EXOC6B: variants seen among roughly 807,000 people sequenced by gnomAD.
EXOC6B encodes the protein SEC15 homolog B.
In EXOC6B, 54 loss-of-function variants were observed where a neutral mutation model predicts 113.5. The observed-to-expected ratio is 0.48, with a 90% CI of 0.38 to 0.60. EXOC6B has a LOEUF of 0.60. EXOC6B is among the 20% of genes least tolerant of loss of function. The probability of loss-of-function intolerance (pLI) is 0.00; values close to 1 mark genes in which losing one functional copy is unlikely to be tolerated. For synonymous variants in EXOC6B, 357 were observed against 339.0 expected, an observed-to-expected ratio of 1.05 and a Z score of -0.58; for missense variants, 797 against 977.5, an observed-to-expected ratio of 0.82 and a Z score of 2.46.
At chr2:72,608,954 A>G (rs1193598905) in intron 6 of EXOC6B, among the ~76,000 whole-genome samples, 1 of 152,140 alleles carries the variant, frequency 6.6e-6, no homozygotes, top group Non-Finnish European at 1.5e-5. Context: ...TAACCAAGAG[A>G]CAACAAATTT....
chr2:72,632,313 C>T (rs1672525239), intron 6 of EXOC6B, among the ~76,000 whole-genome samples: 1 of 152,014 alleles, frequency 6.6e-6, no homozygotes, highest in Non-Finnish European at 1.5e-5. Flanking sequence ...GGCAAGAGTA[C>T]AATGAAAGAA....
At chr2:72,564,526 A>T (rs757153007) in intron 7 of EXOC6B, among the ~76,000 whole-genome samples, 1 of 152,196 alleles carries the variant, frequency 6.6e-6, no homozygotes, top group African/African-American at 2.4e-5. Context: ...AGAGAAGACA[A>T]CAAATGATTA....
intron 6 of EXOC6B, among the ~76,000 whole-genome samples, chr2:72,650,642 AAAAAG>A (rs1448516554): frequency 2.6e-5 from 4 of 151,978 alleles, no homozygotes; most frequent in African/African-American, 9.7e-5. Context: ...AGAGAAAAGA[AAAAAG>A]AAAAGAAAAG....
At chr2:72,484,226 ATGG>A (rs1699283943) in intron 16 of EXOC6B, among the ~76,000 whole-genome samples, 1 of 150,816 alleles carries the variant, frequency 6.6e-6, no homozygotes, top group African/African-American at 2.4e-5. Flanking sequence ...TATGTATGTC[ATGG>A]TGGTTTGCTG....
intron 6 of EXOC6B, among the ~76,000 whole-genome samples, chr2:72,586,480 C>T (rs1573442902): frequency 6.6e-6 from 1 of 152,064 alleles, no homozygotes; most frequent in Non-Finnish European, 1.5e-5. Context: ...TGGCCAGGCG[C>T]GGTGGCTCAA....
chr2:72,397,625 A>ATAAATAAAT lies in EXOC6B; in HGVS notation c.1981-17756_1981-17755insATTTATTTA, dbSNP rs1553396401. Among the ~76,000 whole-genome samples the ATAAATAAAT allele has an allele frequency of 1.8e-3, 192 of 104,174 alleles. 7 individuals carry two copies. Among genetic ancestry groups the ATAAATAAAT allele is most frequent in the African/African-American group, 0.014 (184 of 12,718 alleles). The allele number at this position is 104,174 out of a possible 152,430, so 68.3% of individuals were successfully genotyped here. ...CAGGTGAAACCTCATCTCAAAAAAA[A>ATAAATAAAT]AAAATAAAATAAAATAAAATAAAAT... On this transcript the variant is annotated intron_variant, in intron 18 of 21. Transcript: ENST00000272427.
At chr2:72,571,787 G>A (rs1311612977) in intron 7 of EXOC6B, among the ~76,000 whole-genome samples, 4 of 152,006 alleles carry the variant, frequency 2.6e-5, no homozygotes, top group South Asian at 2.1e-4. Flanking sequence ...CTTTATTTCA[G>A]GTTAACAATG....
intron 6 of EXOC6B, among the ~76,000 whole-genome samples, chr2:72,628,685 A>G (rs955251843): frequency 6.6e-6 from 1 of 152,094 alleles, no homozygotes; most frequent in Non-Finnish European, 1.5e-5. Context: ...AGGATATGAG[A>G]AGATGGTAGT....
chr2:72,733,386 T>C (rs1334688000), intron 2 of EXOC6B, among the ~76,000 whole-genome samples: 1 of 152,016 alleles, frequency 6.6e-6, no homozygotes, highest in Non-Finnish European at 1.5e-5. Flanking sequence ...TAACTAAAGA[T>C]CGCACTTTAA....
rs924213236 is a variant in EXOC6B, at chr2:72,515,112, T to C, written c.930A>G (p.Thr310=). ...HIYSVLGARE[T]FENYYRKQRR... ...TCTGTTTTCGGTAGTAATTCTCAAA[T>C]GTTTCCCGGGCACCCTGTAAATAAA... The change falls in exon 9 of 22, where the codon ACA becomes ACG. Residue 310 remains threonine (T), a synonymous_variant. Coordinates refer to ENST00000272427, the MANE Select transcript of EXOC6B (RefSeq NM_015189.3). 1.2e-6 allele frequency: 2 copies of C among 1,603,340 alleles called. No homozygotes were observed. Among genetic ancestry groups the C allele is most frequent in the Non-Finnish European group, 1.7e-6 (2 of 1,174,568 alleles).
At chr2:72,636,544 A>G (rs1038491393) in intron 6 of EXOC6B, among the ~76,000 whole-genome samples, 15 of 152,130 alleles carry the variant, frequency 9.9e-5, no homozygotes, top group African/African-American at 1.2e-4. Flanking sequence ...CGGCGGCAGC[A>G]GCCACAGTGC....
intron 20 of EXOC6B, among the ~76,000 whole-genome samples, chr2:72,196,447 T>C (rs1679173881): frequency 6.6e-6 from 1 of 152,216 alleles, no homozygotes; most frequent in South Asian, 2.1e-4. Flanking sequence ...AATTAACTTC[T>C]TAAGATCTTT....
intron 15 of EXOC6B, among the ~76,000 whole-genome samples, chr2:72,495,172 A>C (rs187653639): frequency 2.6e-5 from 4 of 152,114 alleles, no homozygotes; most frequent in Non-Finnish European, 4.4e-5. Flanking sequence ...ATTTTCTAGT[A>C]AACTGTCATT....
intron 1 of EXOC6B, among the ~76,000 whole-genome samples, chr2:72,773,962 G>A (rs1683550283): frequency 6.6e-6 from 1 of 152,164 alleles, no homozygotes; most frequent in African/African-American, 2.4e-5. Flanking sequence ...AAGTTACAAT[G>A]TGAAATCTGA....
At chr2:72,552,571 T>G (rs1156648589) in intron 8 of EXOC6B, among the ~76,000 whole-genome samples, 6 of 151,876 alleles carry the variant, frequency 4.0e-5, no homozygotes, top group Non-Finnish European at 1.5e-5. Flanking sequence ...ACACCAAAAA[T>G]GAAAATTTCA....
At chr2:72,439,792 G>A (rs535055136) in intron 18 of EXOC6B, among the ~76,000 whole-genome samples, 7 of 152,328 alleles carry the variant, frequency 4.6e-5, no homozygotes, top group Non-Finnish European at 8.8e-5. Context: ...TTGGAAGAAA[G>A]AGGGTACTCT....
chr2:72,488,776 C>T (rs1374799178), intron 16 of EXOC6B, among the ~76,000 whole-genome samples: 1 of 152,184 alleles, frequency 6.6e-6, no homozygotes, highest in East Asian at 1.9e-4. Context: ...CTAACTAGTC[C>T]CCTTGTTTCC....
intron 18 of EXOC6B, chr2:72,461,354 AT>A (rs1403625449): frequency 1.4e-5 from 2 of 146,408 alleles, no homozygotes; most frequent in East Asian, 3.9e-4. Context: ...AACTTAAAGT[AT>A]TAAAAAAAAA....
intron 8 of EXOC6B, among the ~76,000 whole-genome samples, chr2:72,532,721 T>A (rs925136012): frequency 1.3e-5 from 2 of 152,032 alleles, no homozygotes; most frequent in Non-Finnish European, 2.9e-5. Context: ...GGCAGGAGAA[T>A]TGCTTGGACC....
Sources: gnomAD v4.1 joint callset for allele counts (sites outside exome capture counted in the v4.1 genomes callset) on GRCh38, gnomAD v4.1.1 for gene constraint, MANE v1.5 for transcripts, NCBI Gene and HGNC (gene_info 2026-07-23, HGNC 2026-07-21) for gene names.